Variants in CFHR5 observed in about 807,000 individuals in gnomAD.
The protein encoded by CFHR5 is complement factor H related 5.
Under a neutral mutation model 62.9 loss-of-function variants are expected in CFHR5, and 73 were observed. The observed-to-expected ratio is 1.16, with a 90% CI of 0.96 to 1.41. The LOEUF (loss-of-function observed/expected upper bound fraction) is 1.41, where lower values mean the gene tolerates loss of function less well. CFHR5 is among the 40% of genes most tolerant of loss of function. The pLI is 0.00. For synonymous variants in CFHR5, 249 were observed against 227.2 expected, an observed-to-expected ratio of 1.10 and a Z score of -0.86; for missense variants, 779 against 679.9, an observed-to-expected ratio of 1.15 and a Z score of -1.62.
Position 196,996,081 on chromosome 1 carries a change from G to T in CFHR5, c.850G>T (p.Val284Phe). ...ELEYGYVQPSVPPYQHGVSVE... is the reference protein window; with the variant it reads ...ELEYGYVQPSFPPYQHGVSVE... ...CGAGTACGGTTATGTTCAGCCGTCT[G>T]TCCCTCCCTATCAACATGGAGTTTC... The change falls in exon 6 of 10, where the codon GTC becomes TTC. Residue 284 changes from valine (V) to phenylalanine (F), a missense_variant. By Grantham distance (50) the Val-to-Phe change is conservative (BLOSUM62 -1). Coordinates refer to ENST00000256785, the MANE Select transcript of CFHR5 (RefSeq NM_030787.4). 5.0e-6 allele frequency: 8 copies of T among 1,613,778 alleles called. No individual in the cohort carries two copies. Among genetic ancestry groups the T allele is most frequent in the Non-Finnish European group, 6.8e-6 (8 of 1,179,772 alleles).
At chr1:196,996,789 C>A (rs916598485) in intron 6 of CFHR5, among the ~76,000 whole-genome samples, 1 of 151,954 alleles carries the variant, frequency 6.6e-6, no homozygotes, top group Non-Finnish European at 1.5e-5. Flanking sequence ...TCTTTCTGGT[C>A]CCATAATTCT....
chr1:197,002,548 T>A lies in CFHR5; in HGVS notation c.1214T>A (p.Val405Glu), dbSNP rs375120052. The A allele has an allele frequency of 7.7e-5, 125 of 1,613,476 alleles. No individual in the cohort carries two copies. The highest frequency in any genetic ancestry group is 1.1e-4 in the Non-Finnish European group (124 of 1,179,714). The change falls in exon 8 of 10, where the codon GTG becomes GAG. Residue 405 changes from valine to glutamate, a missense_variant. Physicochemically the swap from Val to Glu is moderately radical, Grantham distance 121. Coordinates refer to ENST00000256785, the MANE Select transcript of CFHR5 (RefSeq NM_030787.4). Reference protein sequence around the residue: ...IPNAQNMTTTVNYQDGEKVAV... With the variant: ...IPNAQNMTTTENYQDGEKVAV... ...AATGCTCAGAATATGACAACCACAG[T>A]GAATTATCAGGATGGAGAAAAAGTA...
chr1:196,990,688 G>A (rs184533009), intron 3 of CFHR5, among the ~76,000 whole-genome samples: 14 of 152,212 alleles, frequency 9.2e-5, no homozygotes, highest in African/African-American at 2.6e-4. Context: ...TAGGAATGTC[G>A]AATATTGGCC....
chr1:196,992,670 A>G (rs1653878824), intron 3 of CFHR5, among the ~76,000 whole-genome samples: 1 of 152,310 alleles, frequency 6.6e-6, no homozygotes, highest in Non-Finnish European at 1.5e-5. Flanking sequence ...CAGAATCAAG[A>G]TCAATTATTT....
intron 3 of CFHR5, among the ~76,000 whole-genome samples, chr1:196,986,139 C>T (rs1320170207): frequency 2.0e-5 from 3 of 152,040 alleles, no homozygotes; most frequent in Non-Finnish European, 2.9e-5. Flanking sequence ...TGGTAGCTCA[C>T]GAACACTGTG....
chr1:196,993,062 A>T (rs2125032883), intron 3 of CFHR5, among the ~76,000 whole-genome samples: 1 of 152,280 alleles, frequency 6.6e-6, no homozygotes, highest in Non-Finnish European at 1.5e-5. Flanking sequence ...AGAAAAACAC[A>T]CATATTCATA....
At chr1:196,999,167 T>C (rs191835375) in intron 7 of CFHR5, among the ~76,000 whole-genome samples, 3 of 152,008 alleles carry the variant, frequency 2.0e-5, no homozygotes, top group Admixed American at 2.0e-4. Context: ...TCATTAGAAA[T>C]TGTGAGGAAA....
chr1:197,001,346 T>C (rs957710214), intron 7 of CFHR5, among the ~76,000 whole-genome samples: 2 of 152,056 alleles, frequency 1.3e-5, no homozygotes, highest in African/African-American at 4.8e-5. Flanking sequence ...AATATGTATG[T>C]TTTGGCTTAT....
chr1:196,982,916 T>C lies in CFHR5; in HGVS notation c.90T>C (p.His30=). The C allele has an allele frequency of 1.2e-6, 2 of 1,614,092 alleles. No individual in the cohort carries two copies. Among genetic ancestry groups the C allele is most frequent in the South Asian group, 1.1e-5 (1 of 91,040 alleles). Residue 30 remains histidine, a synonymous_variant, in exon 2 of 10, where the codon CAT becomes CAC. Transcript: ENST00000256785. The stretch of plus-strand genomic sequence containing the variant: ...TTTGTGATTTTCCAAAAATACACCA[T>C]GGATTTCTGTATGATGAAGAAGATT... ...GTLCDFPKIH[H]GFLYDEEDYN...
chr1:196,977,479 C>T, upstream of CFHR5: 4 of 667,394 alleles, frequency 6.0e-6, no homozygotes, highest in East Asian at 5.6e-5. Flanking sequence ...TGATTAGATA[C>T]TATTTGCTTA....
chr1:197,006,275 A>C (rs750442227), intron 9 of CFHR5, among the ~76,000 whole-genome samples: 5 of 152,176 alleles, frequency 3.3e-5, no homozygotes, highest in Admixed American at 1.3e-4. Context: ...AACAAACACA[A>C]ACACACAATC....
rs1373258666 is a variant in CFHR5 at position 196,983,309 on chromosome 1, T to A, written c.253+230T>A. Among the ~76,000 whole-genome samples, 3 of 152,158 alleles carry A rather than the reference T, an allele frequency of 2.0e-5. No individual in the cohort carries two copies. In the East Asian group the frequency reaches 5.8e-4, roughly 29 times the overall value. On this transcript the variant is annotated intron_variant, in intron 2 of 9. Coordinates refer to ENST00000256785, the MANE Select transcript of CFHR5 (RefSeq NM_030787.4). ...TGCCCTACATGTTGAAATACATTAA[T>A]TTTTTTAAACTGATGATTAATATAT...
chr1:196,999,705 A>ATAAATATATATATATATT (rs1654084501), intron 7 of CFHR5, among the ~76,000 whole-genome samples: 1 of 52,752 alleles, frequency 1.9e-5, no homozygotes, highest in African/African-American at 5.0e-5. Context: ...ATATATATAT[A>ATAAATATATATATATATT]TATATATATA....
chr1:196,999,716 T>C (rs1293832905), intron 7 of CFHR5, among the ~76,000 whole-genome samples: 4 of 49,272 alleles, frequency 8.1e-5, no homozygotes, highest in African/African-American at 1.4e-4. Context: ...TATATATATA[T>C]ATATATACAC....
At chr1:196,998,932 C>T (rs1273598635) in intron 7 of CFHR5, among the ~76,000 whole-genome samples, 1 of 151,826 alleles carries the variant, frequency 6.6e-6, no homozygotes, top group African/African-American at 2.4e-5. Context: ...TCATCAGCAA[C>T]GTCAAAAGCC....
In CFHR5 at chr1:197,009,569, GT is replaced by G. The variant is rs1654383356; in HGVS notation, c.*888del. ...CCTGCGAAAGCTGTCAACTTTTGTG[GT>G]TGTAGCAAGTATTAATAAATATTTA... On this transcript the variant is annotated 3_prime_UTR_variant, in exon 10 of 10. Coordinates refer to ENST00000256785, the MANE Select transcript of CFHR5 (RefSeq NM_030787.4). The G allele has an allele frequency of 6.6e-6, 1 of 152,132 alleles. No individual in the cohort carries two copies. Among genetic ancestry groups the G allele is most frequent in the African/African-American group, 2.4e-5 (1 of 41,412 alleles). 9.4% of individuals were successfully genotyped at this position (152,132 alleles called of 1,614,324 possible).
intron 9 of CFHR5, among the ~76,000 whole-genome samples, 200 bp from the exon 10 acceptor site, chr1:197,008,287 C>T (rs1654344137): frequency 6.6e-6 from 1 of 151,462 alleles, no homozygotes; most frequent in African/African-American, 2.4e-5. Context: ...AATCTCTTAG[C>T]ATTTATTTCC....
intron 3 of CFHR5, among the ~76,000 whole-genome samples, chr1:196,990,731 G>A (rs375804084): frequency 5.3e-4 from 80 of 152,190 alleles, no homozygotes; most frequent in African/African-American, 1.7e-3. Context: ...AGTTTCTGCC[G>A]AGAGATCCAC....
intron 1 of CFHR5, among the ~76,000 whole-genome samples, chr1:196,982,178 G>C (rs1653559273): frequency 6.6e-6 from 1 of 151,972 alleles, no homozygotes; most frequent in Non-Finnish European, 1.5e-5. Context: ...CAGTTGATGA[G>C]AATAGAAAAA....
Sources: allele counts gnomAD v4.1 joint callset (sites outside exome capture counted in the v4.1 genomes callset), GRCh38; gene constraint gnomAD v4.1.1; transcripts MANE v1.5; gene names NCBI Gene and HGNC (gene_info 2026-07-23, HGNC 2026-07-21).